Variants in TGFBR3 observed in about 807,000 individuals in gnomAD.
TGFBR3 encodes the protein transforming growth factor beta receptor type 3.
TGFBR3 carries 46 observed loss-of-function variants against 87.9 expected under a neutral mutation model. That is an observed-to-expected ratio of 0.52 (90% CI 0.41 to 0.67). The LOEUF (loss-of-function observed/expected upper bound fraction) is 0.67. Among genes scored for constraint, TGFBR3 ranks in the 30% least tolerant of loss-of-function variants. The pLI, the probability that TGFBR3 is intolerant of heterozygous loss-of-function variation, is 0.00. For synonymous variants in TGFBR3, 381 were observed against 391.6 expected (o/e 0.97, Z 0.32); for missense variants, 866 against 1,041.9 (o/e 0.83, Z 2.32).
At chr1:91,726,467 A>G (rs1242357487) in intron 7 of TGFBR3, among the ~76,000 whole-genome samples, 1 of 151,974 alleles carries the variant, frequency 6.6e-6, no homozygotes, top group Non-Finnish European at 1.5e-5. Context: ...TTTGGGCTTG[A>G]CAACAAATTA....
chr1:91,740,793 T>G (rs1220568076), intron 4 of TGFBR3, among the ~76,000 whole-genome samples: 1 of 152,208 alleles, frequency 6.6e-6, no homozygotes, highest in East Asian at 1.9e-4. Context: ...GACACTGCAT[T>G]AATTTTCATG....
intron 1 of TGFBR3, among the ~76,000 whole-genome samples, chr1:91,882,434 G>A (rs7516759): frequency 0.086 from 12,969 of 150,916 alleles, 620 homozygotes; most frequent in African/African-American, 0.13. Context: ...ACCACACCCA[G>A]CCAAAAACTT....
At chr1:91,814,939 A>G (rs1190077102) in intron 2 of TGFBR3, among the ~76,000 whole-genome samples, 1 of 152,200 alleles carries the variant, frequency 6.6e-6, no homozygotes, top group African/African-American at 2.4e-5. Flanking sequence ...ACTTCCTTCA[A>G]CAAAATTAAC....
chr1:91,737,723 T>C (rs1673012554), intron 4 of TGFBR3, among the ~76,000 whole-genome samples: 1 of 152,164 alleles, frequency 6.6e-6, no homozygotes, highest in South Asian at 2.1e-4. Context: ...GTTTGCTTTT[T>C]CAGGGCAACA....
intron 16 of TGFBR3, among the ~76,000 whole-genome samples, chr1:91,688,068 T>A (rs1331274463): frequency 6.6e-6 from 1 of 152,088 alleles, no homozygotes; most frequent in Non-Finnish European, 1.5e-5. Context: ...CAAATTTCAT[T>A]CCTCCCCAGC....
chr1:91,742,549 T>C (rs917161377), intron 4 of TGFBR3, among the ~76,000 whole-genome samples: 5 of 152,226 alleles, frequency 3.3e-5, no homozygotes, highest in African/African-American at 1.2e-4. Flanking sequence ...AAACCAATTA[T>C]TAAAGCATAT....
chr1:91,877,304 T>G (rs1678843919), intron 1 of TGFBR3, among the ~76,000 whole-genome samples: 1 of 152,142 alleles, frequency 6.6e-6, no homozygotes, highest in African/African-American at 2.4e-5. Flanking sequence ...AGCATTTTCT[T>G]TTTTCTTCAT....
Position 91,682,078 on chromosome 1 carries a change from A to G in TGFBR3, c.*1661T>C, listed in dbSNP as rs961555556. On this transcript the variant is annotated 3_prime_UTR_variant, in exon 17 of 17. Coordinates refer to ENST00000212355, the MANE Select transcript of TGFBR3 (RefSeq NM_003243.5). ...AAAATGTTCCTTATTGAATGTGTAT[A>G]TCTATCAGGTAAGTCATATTATTAC... is the stretch of plus-strand genomic sequence containing the variant. The G allele has an allele frequency of 2.2e-6, 1 of 453,892 alleles. No individual in the cohort carries two copies. Among genetic ancestry groups the G allele is most frequent in the African/African-American group, 2.0e-5 (1 of 49,972 alleles). 28.1% of individuals were successfully genotyped at this position (453,892 alleles called of 1,614,324 possible). A position where few individuals can be genotyped will look rare whatever the true frequency, so the allele number is the denominator to read the frequency against.
intron 14 of TGFBR3, among the ~76,000 whole-genome samples, chr1:91,706,531 C>G (rs1004818035): frequency 3.9e-5 from 6 of 152,146 alleles, no homozygotes; most frequent in African/African-American, 1.2e-4. Flanking sequence ...GGGGAGGAAC[C>G]CTAGTTCCGG....
intron 16 of TGFBR3, among the ~76,000 whole-genome samples, chr1:91,689,537 T>C (rs1671201676): frequency 1.3e-5 from 2 of 152,158 alleles, no homozygotes; most frequent in Admixed American, 6.5e-5. Context: ...ACCAAAAAAA[T>C]TTAGCTGACA....
At chr1:91,817,978 A>G (rs1242490525) in intron 2 of TGFBR3, among the ~76,000 whole-genome samples, 2 of 151,996 alleles carry the variant, frequency 1.3e-5, no homozygotes, top group Non-Finnish European at 2.9e-5. Flanking sequence ...TAAAATAATG[A>G]TCATAAATAA....
chr1:91,843,689 G>C (rs1346557104), intron 2 of TGFBR3, among the ~76,000 whole-genome samples: 2 of 152,070 alleles, frequency 1.3e-5, no homozygotes, highest in Admixed American at 6.5e-5. Flanking sequence ...TTACAAATGA[G>C]GACACTGAGC....
intron 1 of TGFBR3, among the ~76,000 whole-genome samples, chr1:91,905,401 TACTC>T (rs1488460057): frequency 3.9e-5 from 6 of 152,182 alleles, no homozygotes; most frequent in East Asian, 1.9e-4. Context: ...AGTTTTCTAT[TACTC>T]ACAACCGTTG....
At chr1:91,768,716 G>C (rs933819622) in intron 3 of TGFBR3, among the ~76,000 whole-genome samples, 1 of 152,118 alleles carries the variant, frequency 6.6e-6, no homozygotes, top group Non-Finnish European at 1.5e-5. Context: ...CTTCTGCCAC[G>C]ATTGAAAGTT....
chr1:91,780,338 T>C (rs1297321606), intron 3 of TGFBR3, among the ~76,000 whole-genome samples: 1 of 152,190 alleles, frequency 6.6e-6, no homozygotes, highest in East Asian at 1.9e-4. Context: ...CTCTCAATTC[T>C]GTAACCCTGG....
At chr1:91,818,277 C>CTTTTTTTTTTTT (rs1557726893) in intron 2 of TGFBR3, among the ~76,000 whole-genome samples, 1 of 123,142 alleles carries the variant, frequency 8.1e-6, no homozygotes, top group Non-Finnish European at 1.7e-5. Flanking sequence ...TTAGCCCCAG[C>CTTTTTTTTTTTT]CTTTTTTTTT....
intron 1 of TGFBR3, among the ~76,000 whole-genome samples, chr1:91,878,226 G>A (rs951578487): frequency 5.3e-5 from 8 of 150,580 alleles, no homozygotes; most frequent in Non-Finnish European, 7.4e-5. Flanking sequence ...ATGAACACAA[G>A]CCTTTGTGAT....
Position 91,805,013 on chromosome 1 carries a change from G to A in TGFBR3, c.62-7542C>T, listed in dbSNP as rs996844907. ...CAACAATGCTCATAAGCACACACGC[G>A]TGCTCACTTCACACCATACTCTATC... On this transcript the variant is annotated intron_variant, in intron 2 of 16. Coordinates refer to ENST00000212355, the MANE Select transcript of TGFBR3 (RefSeq NM_003243.5). 9.8e-5 allele frequency among the ~76,000 whole-genome samples: 15 copies of A among 152,304 alleles called. 1 individual carries two copies. The highest frequency in any genetic ancestry group is 4.6e-4 in the Admixed American group (7 of 15,294).
intron 2 of TGFBR3, among the ~76,000 whole-genome samples, chr1:91,857,705 G>C (rs1229596269): frequency 6.6e-6 from 1 of 152,214 alleles, no homozygotes; most frequent in Non-Finnish European, 1.5e-5. Context: ...TTGAGAGGCT[G>C]AGGTGGGAGG....
Sources: gnomAD v4.1 joint callset for allele counts (sites outside exome capture counted in the v4.1 genomes callset) on GRCh38, gnomAD v4.1.1 for gene constraint, MANE v1.5 for transcripts, NCBI Gene and HGNC (gene_info 2026-07-23, HGNC 2026-07-21) for gene names.